Variants in COMTD1 observed in about 807,000 individuals in gnomAD.
The protein encoded by COMTD1 is catechol O-methyltransferase domain-containing protein 1.
Under a neutral mutation model 33.6 loss-of-function variants are expected in COMTD1, and 35 were observed. The observed-to-expected ratio is 1.04, with a 90% CI of 0.80 to 1.38. The LOEUF (loss-of-function observed/expected upper bound fraction) is 1.38. Ranked by LOEUF, COMTD1 falls within the 40% of genes most tolerant of loss-of-function variation. The probability of loss-of-function intolerance (pLI) is 0.00; values close to 1 mark genes in which losing one functional copy is unlikely to be tolerated. For missense variants in COMTD1, 370 were observed against 363.4 expected, an observed-to-expected ratio of 1.02 and a Z score of -0.15; for synonymous variants, 160 against 176.8, an observed-to-expected ratio of 0.91 and a Z score of 0.75.
rs1842176721 is a variant in COMTD1 at position 75,235,387 on chromosome 10, A to T, written c.223-15T>A. The T allele has an allele frequency of 6.5e-7, 1 of 1,529,934 alleles. No individual in the cohort carries two copies. The highest frequency in any genetic ancestry group is 1.4e-5 in the African/African-American group (1 of 72,068). 94.8% of individuals were successfully genotyped at this position (1,529,934 alleles called of 1,614,324 possible). A position where few individuals can be genotyped will look rare whatever the true frequency, so the allele number is the denominator to read the frequency against. ...TCCAGGGTCAGCTGCGTGAAAGGAG[A>T]GGGTGGCACCAGCCATGCAGGTCAC... On this transcript the variant is annotated splice_polypyrimidine_tract_variant and intron_variant, in intron 2 of 6. Transcript: ENST00000372538.
Position 75,233,967 on chromosome 10 carries a change from G to T in COMTD1, c.*106C>A. 1 of 1,592,318 alleles carries T rather than the reference G, an allele frequency of 6.3e-7. No homozygotes were observed. Among genetic ancestry groups the T allele is most frequent in the Non-Finnish European group, 8.5e-7 (1 of 1,173,394 alleles). On this transcript the variant is annotated 3_prime_UTR_variant, in exon 7 of 7. Coordinates refer to ENST00000372538, the MANE Select transcript of COMTD1 (RefSeq NM_144589.4). ...TCCAGCGCCACACACGGAGGCTCAG[G>T]AGGTCGTGTGTCCCAGCCCCACTTT...
Position 75,235,257 on chromosome 10 carries a change from G to A in COMTD1, c.328+10C>T. The A allele has an allele frequency of 2.6e-6, 4 of 1,519,918 alleles. No individual in the cohort carries two copies. The highest frequency in any genetic ancestry group is 4.3e-5 in the Admixed American group (2 of 46,964). 94.2% of individuals were successfully genotyped at this position (1,519,918 alleles called of 1,614,324 possible). A position where few individuals can be genotyped will look rare whatever the true frequency, so the allele number is the denominator to read the frequency against. ...CTCGGCCCTCCGGGATCCCGGCCGC[G>A]TGCCCCTACCCAGGTCCAGCGCCTT... is the stretch of plus-strand genomic sequence containing the variant. On this transcript the variant is annotated intron_variant, in intron 3 of 6. Coordinates refer to ENST00000372538, the MANE Select transcript of COMTD1 (RefSeq NM_144589.4).
At position 75,235,301 on chromosome 10, in the gene COMTD1, C is replaced by T; in HGVS notation, c.294G>A (p.Ala98=). The T allele has an allele frequency of 1.3e-6, 2 of 1,591,166 alleles. No individual in the cohort carries two copies. The highest frequency in any genetic ancestry group is 1.7e-6 in the Non-Finnish European group (2 of 1,171,866). ...GCGCCTTCTTGGCCTGGATGAGCCG[C>T]GCCAGGTTGGCCAAGAGCTGGGCCT... ...CEQAQLLANL[A]RLIQAKKALD... is the part of the protein sequence containing the mutation. Residue 98 remains alanine, a synonymous_variant, in exon 3 of 7, where the codon GCG becomes GCA. Transcript: ENST00000372538.
rs1331314848 is a variant in COMTD1 at position 75,234,117 on chromosome 10, G to A, written c.745C>T (p.Leu249Phe). 2 of 1,613,980 alleles carry A rather than the reference G, an allele frequency of 1.2e-6. No homozygotes were observed. Among genetic ancestry groups the A allele is most frequent in the Non-Finnish European group, 1.7e-6 (2 of 1,180,048 alleles). ...IRRDVRVYISLLPLGDGLTLA... is the reference protein window; with the variant it reads ...IRRDVRVYISFLPLGDGLTLA... ...GTGAGTCCATCGCCCAGGGGCAGGA[G>A]GCTGATGTAGACCCTGACGTCCCGC... is the stretch of plus-strand genomic sequence containing the variant. Residue 249 changes from leucine to phenylalanine, a missense_variant, in exon 7 of 7, where the codon CTC becomes TTC. Coordinates refer to ENST00000372538, the MANE Select transcript of COMTD1 (RefSeq NM_144589.4).
chr10:75,234,576 G>A, intron 6 of COMTD1, 34 bp downstream of exon 6: 2 of 1,535,582 alleles, frequency 1.3e-6, no homozygotes, highest in Non-Finnish European at 1.8e-6. Flanking sequence ...GGCCCGACAG[G>A]GTGCTTTCTC....
intron 6 of COMTD1, 171 bp downstream of exon 6, chr10:75,234,439 G>T: frequency 8.5e-7 from 1 of 1,172,098 alleles, no homozygotes. Context: ...ACCAGAGCTG[G>T]AGACAGAACC....
intron 1 of COMTD1, 22 bp from the exon 2 acceptor site, chr10:75,235,765 A>G (rs2132294578): frequency 6.3e-7 from 1 of 1,589,834 alleles, no homozygotes. Flanking sequence ...AGGGTGTTGG[A>G]TTAACCTGAG....
chr10:75,235,706 CTGCTCTCGCCGG>C lies in COMTD1; in HGVS notation c.120_131del (p.Arg41_Gln44del). 6.3e-7 allele frequency: 1 copy of C among 1,599,376 alleles called. No homozygotes were observed. The highest frequency in any genetic ancestry group is 1.1e-5 in the South Asian group (1 of 88,926). ...GGCTGTCCTCGGGGGGAAGCAGGCA[CTGCTCTCGCCGG>C]CCTCGCCATGGGGGGCACCGCCTCC... On this transcript the variant is annotated inframe_deletion, in exon 2 of 7. Transcript: ENST00000372538.
In COMTD1 at chr10:75,234,607, T is replaced by C. The variant is rs777274010; in HGVS notation, c.636+3A>G. 1.5e-5 allele frequency: 23 copies of C among 1,559,830 alleles called. No homozygotes were observed. The highest frequency in any genetic ancestry group is 2.4e-5 in the East Asian group (1 of 41,528). Reference sequence around the variant, plus strand: ...TTCTCCTCCCCCGCAGTGGATCCCTTACTCTGAGGACGGCGAGGATGCCTC... The same window carrying C: ...TTCTCCTCCCCCGCAGTGGATCCCTCACTCTGAGGACGGCGAGGATGCCTC... On this transcript the variant is annotated splice_donor_region_variant and intron_variant, in intron 6 of 6. Coordinates refer to ENST00000372538, the MANE Select transcript of COMTD1 (RefSeq NM_144589.4).
chr10:75,235,805 A>ACCCG (rs1307190123), intron 1 of COMTD1, 30 bp downstream of exon 1: 12 of 476,938 alleles, frequency 2.5e-5, no homozygotes, highest in Non-Finnish European at 3.7e-5. Flanking sequence ...GCGCCCGCCC[A>ACCCG]CCCGCCCGCC....
chr10:75,234,495 G>C (rs1213245256), intron 6 of COMTD1, 115 bp downstream of exon 6: 1 of 1,417,214 alleles, frequency 7.1e-7, no homozygotes, highest in Non-Finnish European at 9.4e-7. Context: ...CCCGGAGGGG[G>C]TGTAGCCTAC....
At chr10:75,235,212 G>A (rs915869494) in intron 3 of COMTD1, 34 bp from the exon 4 acceptor site, 1 of 1,463,906 alleles carries the variant, frequency 6.8e-7, no homozygotes, top group Non-Finnish European at 9.0e-7. Flanking sequence ...TCAGCCCAGA[G>A]TGGGGGTCGG....
chr10:75,234,450 A>C, intron 6 of COMTD1, 160 bp downstream of exon 6: 1 of 1,225,958 alleles, frequency 8.2e-7, no homozygotes. Flanking sequence ...AGACAGAACC[A>C]AAGCGGAGGA....
In COMTD1 at chr10:75,235,931, C is replaced by A. The variant is rs751163355; in HGVS notation, c.-3G>T. On this transcript the variant is annotated 5_prime_UTR_variant, in exon 1 of 7. Coordinates refer to ENST00000372538, the MANE Select transcript of COMTD1 (RefSeq NM_144589.4). Reference sequence around the variant, plus strand: ...AGCCGGGGCACCGGCTGGGTCATGGCGCGGGCAGGAGGCGGCGGGAGGCAG... The same window carrying A: ...AGCCGGGGCACCGGCTGGGTCATGGAGCGGGCAGGAGGCGGCGGGAGGCAG... The A allele has an allele frequency of 2.1e-6, 3 of 1,451,310 alleles. No individual in the cohort carries two copies. The African/African-American group carries it at 4.5e-5, about 22-fold the overall frequency. 89.9% of individuals were successfully genotyped at this position (1,451,310 alleles called of 1,614,324 possible).
chr10:75,234,835 G>C, intron 5 of COMTD1, 92 bp from the exon 6 acceptor site: 4 of 1,525,840 alleles, frequency 2.6e-6, no homozygotes, highest in African/African-American at 1.4e-5. Flanking sequence ...TGTGACAACC[G>C]GCCCTGCCCT....
Position 75,235,276 on chromosome 10 carries a change from G to A in COMTD1, c.319C>T (p.Leu107=). 6.4e-7 allele frequency: 1 copy of A among 1,569,526 alleles called. No homozygotes were observed. Among genetic ancestry groups the A allele is most frequent in the Non-Finnish European group, 8.6e-7 (1 of 1,161,178 alleles). The change falls in exon 3 of 7, where the codon CTG becomes TTG. Residue 107 remains leucine, a synonymous_variant. Transcript: ENST00000372538. ...GGCCGCGTGCCCCTACCCAGGTCCA[G>A]CGCCTTCTTGGCCTGGATGAGCCGC... The part of the protein sequence containing the change: ...LARLIQAKKA[L]DLGTFTGYSA...
At position 75,234,635 on chromosome 10, in the gene COMTD1, G is replaced by A; in HGVS notation, c.611C>T (p.Pro204Leu). 6.4e-7 allele frequency: 1 copy of A among 1,565,338 alleles called. No individual in the cohort carries two copies. The highest frequency in any genetic ancestry group is 8.7e-7 in the Non-Finnish European group (1 of 1,155,384). The change falls in exon 6 of 7, where the codon CCC becomes CTC. Residue 204 changes from proline to leucine, a missense_variant. Pro to Leu is a moderately conservative substitution (Grantham distance 98, BLOSUM62 -3). Transcript: ENST00000372538. ...TCTGAGGACGGCGAGGATGCCTCCGGGTCGCAGCAGCTGCAGGCAGCGCTC... is the reference window on the plus strand; with the variant it reads ...TCTGAGGACGGCGAGGATGCCTCCGAGTCGCAGCAGCTGCAGGCAGCGCTC... ...YYERCLQLLR[P>L]GGILAVLRVL...
intron 5 of COMTD1, 81 bp downstream of exon 5, chr10:75,234,857 G>A: frequency 6.5e-7 from 1 of 1,530,094 alleles, no homozygotes; most frequent in South Asian, 1.2e-5. Context: ...AACCTGCCCG[G>A]CAGGCCCAGT....
intron 6 of COMTD1, 39 bp downstream of exon 6, chr10:75,234,571 G>A (rs1842159715): frequency 2.0e-6 from 3 of 1,529,608 alleles, no homozygotes; most frequent in South Asian, 2.4e-5. Context: ...GACCCGGCCC[G>A]ACAGGGTGCT....
Sources: gnomAD v4.1 joint callset for allele counts on GRCh38, gnomAD v4.1.1 for gene constraint, MANE v1.5 for transcripts, NCBI Gene and HGNC (gene_info 2026-07-23, HGNC 2026-07-21) for gene names.